ABI2: variants seen among roughly 807,000 people sequenced by gnomAD.
ABI2 encodes abelson interactor 2.
ABI2 carries 25 observed loss-of-function variants against 59.2 expected under a neutral mutation model. The observed-to-expected ratio is 0.42, with a 90% CI of 0.31 to 0.59. The LOEUF (loss-of-function observed/expected upper bound fraction) is 0.59. ABI2 is among the 20% of genes least tolerant of loss of function. The pLI is 0.14. For missense variants in ABI2, 545 were observed against 681.8 expected (o/e 0.80, Z 2.23); for synonymous variants, 213 against 235.5 (o/e 0.90, Z 0.87).
chr2:203,353,901 T>C (rs1199086712), intron 1 of ABI2, among the ~76,000 whole-genome samples: 1 of 152,186 alleles, frequency 6.6e-6, no homozygotes, highest in Non-Finnish European at 1.5e-5. Flanking sequence ...ATTTTTACTA[T>C]GAGATATGGT....
In ABI2 at chr2:203,395,742, T is replaced by C; in HGVS notation, c.812T>C (p.Ile271Thr). The change falls in exon 7 of 12, where the codon ATT (isoleucine) becomes ACT (threonine). Residue 271 changes from isoleucine (I) to threonine (T), a missense_variant. Coordinates refer to ENST00000261018, the MANE Select transcript of ABI2 (RefSeq NM_001375670.1). ...GGAAGTGGTAGTGTGGGGGTTCCTA[T>C]TGCTGTTCCTACTCCATCTCCTCCC... Reference protein sequence around the residue: ...NSGSGSVGVPIAVPTPSPPSV... With the variant: ...NSGSGSVGVPTAVPTPSPPSV... The C allele has an allele frequency of 6.2e-7, 1 of 1,610,030 alleles. No homozygotes were observed. The highest frequency in any genetic ancestry group is 8.5e-7 in the Non-Finnish European group (1 of 1,178,188).
At chr2:203,328,669 C>T (rs538732114) in intron 1 of ABI2, 38 bp downstream of exon 1, 3 of 1,425,708 alleles carry the variant, frequency 2.1e-6, no homozygotes, top group Middle Eastern at 2.0e-4. Flanking sequence ...TCGGGGACCC[C>T]CCCGCCGGGG....
intron 10 of ABI2, among the ~76,000 whole-genome samples, chr2:203,415,459 T>C (rs755275072): frequency 4.0e-5 from 6 of 151,568 alleles, no homozygotes; most frequent in Non-Finnish European, 7.4e-5. Flanking sequence ...CTACTAAAAA[T>C]ACAAAAAATT....
chr2:203,413,687 A>G (rs2097770974), intron 10 of ABI2, among the ~76,000 whole-genome samples: 1 of 152,228 alleles, frequency 6.6e-6, no homozygotes, highest in Non-Finnish European at 1.5e-5. Context: ...CATTATTTGA[A>G]TGTTTAAGTC....
rs2098483345 is a variant in ABI2 at position 203,431,521 on chromosome 2, C to T, written c.*4169C>T. On this transcript the variant is annotated 3_prime_UTR_variant, in exon 12 of 12. Transcript: ENST00000261018. ...ACTACACTCAGTATAAACACTTTCC[C>T]ATAAGGTGTGTGCAGTAAAAATGTT... 1 of 152,428 alleles carries T rather than the reference C, an allele frequency of 6.6e-6. No homozygotes were observed. The highest frequency in any genetic ancestry group is 1.5e-5 in the Non-Finnish European group (1 of 68,014). 9.4% of individuals were successfully genotyped at this position (152,428 alleles called of 1,614,324 possible).
intron 1 of ABI2, among the ~76,000 whole-genome samples, chr2:203,355,565 C>A (rs2091478434): frequency 6.6e-6 from 1 of 151,858 alleles, no homozygotes; most frequent in African/African-American, 2.4e-5. Flanking sequence ...CGCAGTGGCT[C>A]ATGCCTGTAA....
At chr2:203,405,843 C>G (rs1447967988) in intron 9 of ABI2, among the ~76,000 whole-genome samples, 2 of 151,990 alleles carry the variant, frequency 1.3e-5, no homozygotes, top group African/African-American at 4.8e-5. Flanking sequence ...AGTGCTGTTA[C>G]TATATTTGTT....
At chr2:203,411,776 G>T (rs1057301398) in intron 10 of ABI2, among the ~76,000 whole-genome samples, 5 of 152,124 alleles carry the variant, frequency 3.3e-5, no homozygotes, top group African/African-American at 1.2e-4. Flanking sequence ...GCCTTTTATG[G>T]TAGGGCTCAG....
chr2:203,363,998 A>G (rs546396586), intron 1 of ABI2, among the ~76,000 whole-genome samples: 1 of 151,994 alleles, frequency 6.6e-6, no homozygotes, highest in South Asian at 2.1e-4. Context: ...GCCTGACCTC[A>G]GGTGATCTGC....
chr2:203,402,762 A>G lies in ABI2; in HGVS notation c.1192+28A>G, dbSNP rs754783805. Reference sequence around the variant, plus strand: ...TAGTTTTTTTGTTTTTTTGCATTCTATAGAATGTATTTAATTAAAAACCTT... The same window carrying G: ...TAGTTTTTTTGTTTTTTTGCATTCTGTAGAATGTATTTAATTAAAAACCTT... On this transcript the variant is annotated intron_variant, in intron 9 of 11. Coordinates refer to ENST00000261018, the MANE Select transcript of ABI2 (RefSeq NM_001375670.1). 7.9e-6 allele frequency: 12 copies of G among 1,514,642 alleles called. No homozygotes were observed. In the East Asian group the frequency reaches 1.4e-4, roughly 18 times the overall value. The allele number at this position is 1,514,642 out of a possible 1,614,324, so 93.8% of individuals were successfully genotyped here. A position where few individuals can be genotyped will look rare whatever the true frequency, so the allele number is the denominator to read the frequency against.
At position 203,392,314 on chromosome 2, in the gene ABI2, C is replaced by CCACCACCAA. The variant is rs1316028754; in HGVS notation, c.578+1173_578+1174insCCACCAACA. ...ACCACCACCACCACCACCACCACCA[C>CCACCACCAA]CAACAACAACAACAACAACAACAAC... On this transcript the variant is annotated intron_variant, in intron 5 of 11. Transcript: ENST00000261018. Among the ~76,000 whole-genome samples the CCACCACCAA allele has an allele frequency of 8.1e-5, 10 of 123,326 alleles. No homozygotes were observed. In the East Asian group the frequency reaches 2.0e-3, roughly 25 times the overall value. 80.9% of individuals were successfully genotyped at this position (123,326 alleles called of 152,430 possible).
intron 1 of ABI2, among the ~76,000 whole-genome samples, chr2:203,342,382 T>G (rs1032412516): frequency 1.3e-5 from 2 of 152,114 alleles, no homozygotes; most frequent in African/African-American, 2.4e-5. Flanking sequence ...TACCCACTTA[T>G]GTGTTGAAGG....
At chr2:203,399,505 T>G (rs1381149331) in intron 8 of ABI2, among the ~76,000 whole-genome samples, 1 of 152,126 alleles carries the variant, frequency 6.6e-6, no homozygotes, top group Non-Finnish European at 1.5e-5. Flanking sequence ...TTATTTTCTA[T>G]TTTTTTGGCG....
Position 203,408,109 on chromosome 2 carries a change from C to T in ABI2, c.1193-3176C>T, listed in dbSNP as rs576156900. Among the ~76,000 whole-genome samples the T allele has an allele frequency of 4.6e-5, 7 of 152,108 alleles. No individual in the cohort carries two copies. In the East Asian group the frequency reaches 1.2e-3, roughly 25 times the overall value. On this transcript the variant is annotated intron_variant, in intron 9 of 11. Coordinates refer to ENST00000261018, the MANE Select transcript of ABI2 (RefSeq NM_001375670.1). ...GCTTTGAAAAAAGTCTAACTTGTTA[C>T]CAAGTCATTCTTTTAAGGAAGAACT...
Position 203,336,601 on chromosome 2 carries a change from A to G in ABI2, c.117+7970A>G, listed in dbSNP as rs532277347. 3.0e-3 allele frequency among the ~76,000 whole-genome samples: 458 copies of G among 152,316 alleles called. 3 individuals carry two copies. Among genetic ancestry groups the G allele is most frequent in the African/African-American group, 0.01 (426 of 41,574 alleles). ...TAGTAGCTGCAGGCTGTAAGACTTTAGTTGCAGCATGGCATTGGCTCCTCC... is the reference window on the plus strand; with the variant it reads ...TAGTAGCTGCAGGCTGTAAGACTTTGGTTGCAGCATGGCATTGGCTCCTCC... On this transcript the variant is annotated intron_variant, in intron 1 of 11. Coordinates refer to ENST00000261018, the MANE Select transcript of ABI2 (RefSeq NM_001375670.1).
intron 8 of ABI2, among the ~76,000 whole-genome samples, chr2:203,401,007 G>A (rs1405196192): frequency 1.3e-5 from 2 of 152,078 alleles, no homozygotes; most frequent in Non-Finnish European, 2.9e-5. Context: ...GTTTCAAGTA[G>A]TTTATTTTAG....
chr2:203,372,512 G>A (rs1328159553), intron 2 of ABI2, among the ~76,000 whole-genome samples: 1 of 151,882 alleles, frequency 6.6e-6, no homozygotes, highest in Non-Finnish European at 1.5e-5. Flanking sequence ...CGGCCGGGCA[G>A]AGGCGCCCCT....
intron 1 of ABI2, among the ~76,000 whole-genome samples, chr2:203,364,954 G>C (rs1042505333): frequency 6.6e-6 from 1 of 151,704 alleles, no homozygotes; most frequent in Non-Finnish European, 1.5e-5. Context: ...GGCTGGTCTT[G>C]AACTCCTGTC....
intron 1 of ABI2, among the ~76,000 whole-genome samples, chr2:203,335,155 T>C (rs1015561703): frequency 6.6e-6 from 1 of 152,250 alleles, no homozygotes; most frequent in African/African-American, 2.4e-5. Flanking sequence ...AGCCGTAGGA[T>C]GTTCTCCATA....
Sources: gnomAD v4.1 joint callset for allele counts (sites outside exome capture counted in the v4.1 genomes callset) on GRCh38, gnomAD v4.1.1 for gene constraint, MANE v1.5 for transcripts, NCBI Gene and HGNC (gene_info 2026-07-23, HGNC 2026-07-21) for gene names.